TMEM131L: variants seen among roughly 807,000 people sequenced by gnomAD.
The protein encoded by TMEM131L is transmembrane 131 like, also known as transmembrane protein 131-like.
A neutral mutation model predicts 192.2 loss-of-function variants in TMEM131L; 54 were observed. That is an observed-to-expected ratio of 0.28 (90% CI 0.23 to 0.35). The LOEUF (loss-of-function observed/expected upper bound fraction) is 0.35. TMEM131L is among the 10% of genes least tolerant of loss of function. The pLI is 1.00. For synonymous variants in TMEM131L, 701 were observed against 704.9 expected (o/e 0.99, Z 0.09); for missense variants, 1,888 against 1,972.9 (o/e 0.96, Z 0.82).
In TMEM131L at chr4:153,604,143, A is replaced by G. The variant is rs758028166; in HGVS notation, c.3131A>G (p.Gln1044Arg). 39 of 1,614,072 alleles carry G rather than the reference A, an allele frequency of 2.4e-5. No individual in the cohort carries two copies. Among genetic ancestry groups the G allele is most frequent in the Non-Finnish European group, 3.2e-5 (38 of 1,180,032 alleles). Reference sequence around the variant, plus strand: ...GCAAGTGGCATAAATGTCAACCTGCAGAAGAATTTAACCCTTCCCAAAAAC... The same window carrying G: ...GCAAGTGGCATAAATGTCAACCTGCGGAAGAATTTAACCCTTCCCAAAAAC... ...RYASGINVNL[Q>R]KNLTLPKNLL... is the part of the protein sequence containing the mutation. The change falls in exon 25 of 35, where the codon CAG becomes CGG. Residue 1044 changes from glutamine (Q) to arginine (R), a missense_variant. Physicochemically the swap from Gln to Arg is conservative, Grantham distance 43. Coordinates refer to ENST00000409959, the MANE Select transcript of TMEM131L (RefSeq NM_001131007.2).
chr4:153,541,556 G>A (rs1736779147), intron 3 of TMEM131L, among the ~76,000 whole-genome samples: 1 of 152,216 alleles, frequency 6.6e-6, no homozygotes, highest in Non-Finnish European at 1.5e-5. Flanking sequence ...TATTCCATTG[G>A]GAGGTGCCTG....
chr4:153,469,322 C>A lies in TMEM131L; in HGVS notation c.195+2041C>A, dbSNP rs571632342. On this transcript the variant is annotated intron_variant, in intron 2 of 34. Transcript: ENST00000409959. ...GGCCCAAGGGTAAGGGAGACACACA[C>A]ACACACACACACACACACGTGTGTA... Among the ~76,000 whole-genome samples, 6 of 151,962 alleles carry A rather than the reference C, an allele frequency of 3.9e-5. No homozygotes were observed. The South Asian group carries it at 1.2e-3, about 32-fold the overall frequency.
intron 30 of TMEM131L, among the ~76,000 whole-genome samples, chr4:153,627,300 T>G (rs1733913884): frequency 2.0e-5 from 3 of 152,258 alleles, no homozygotes; most frequent in Admixed American, 1.3e-4. Flanking sequence ...TACAGACAGG[T>G]GGCTACCTGT....
chr4:153,620,906 A>G (rs1379132804), intron 27 of TMEM131L, 26 bp downstream of exon 27: 7 of 1,544,542 alleles, frequency 4.5e-6, no homozygotes, highest in Non-Finnish European at 6.1e-6. Flanking sequence ...TATCTCTAAT[A>G]TTTTGATCTA....
At chr4:153,467,123 CG>C (rs1483117111) in intron 1 of TMEM131L, 87 bp from the exon 2 acceptor site, 2 of 1,271,584 alleles carry the variant, frequency 1.6e-6, no homozygotes, top group Non-Finnish European at 1.1e-6. Flanking sequence ...TTTGGTGAGG[CG>C]GGGGGCACGG....
chr4:153,532,243 GCATCTGCATATGGCATTTT>G (rs1468231070), intron 3 of TMEM131L, among the ~76,000 whole-genome samples: 4 of 152,166 alleles, frequency 2.6e-5, no homozygotes, highest in African/African-American at 9.7e-5. Context: ...CTAATCAAAT[GCATCTGCATATGGCATTTT>G]CATTATGTAC....
At chr4:153,532,435 T>A (rs2150245887) in intron 3 of TMEM131L, among the ~76,000 whole-genome samples, 1 of 144,760 alleles carries the variant, frequency 6.9e-6, no homozygotes. Flanking sequence ...TTGCTATTAG[T>A]GCTTTTTTTT....
At chr4:153,572,069 A>G (rs1729624819) in intron 7 of TMEM131L, among the ~76,000 whole-genome samples, 1 of 151,792 alleles carries the variant, frequency 6.6e-6, no homozygotes, top group African/African-American at 2.4e-5. Context: ...GTTGGCATGT[A>G]ATAATTGTAC....
chr4:153,542,624 C>G (rs1736872785), intron 3 of TMEM131L, among the ~76,000 whole-genome samples: 1 of 152,202 alleles, frequency 6.6e-6, no homozygotes, highest in South Asian at 2.1e-4. Flanking sequence ...GGCACAACAT[C>G]TGGTATACTA....
intron 3 of TMEM131L, among the ~76,000 whole-genome samples, chr4:153,504,631 T>C (rs1278719905): frequency 6.6e-6 from 1 of 152,164 alleles, no homozygotes; most frequent in Non-Finnish European, 1.5e-5. Context: ...TTTTGCTGAT[T>C]GATCAGTCTG....
intron 18 of TMEM131L, among the ~76,000 whole-genome samples, 158 bp from the exon 19 acceptor site, chr4:153,593,641 G>C (rs1263271803): frequency 6.6e-6 from 1 of 152,134 alleles, no homozygotes; most frequent in Non-Finnish European, 1.5e-5. Flanking sequence ...GGAATGTGGG[G>C]TGGAATGTCG....
chr4:153,604,063 T>C lies in TMEM131L; in HGVS notation c.3051T>C (p.Ala1017=), dbSNP rs769704409. 2 of 1,614,012 alleles carry C rather than the reference T, an allele frequency of 1.2e-6. No individual in the cohort carries two copies. Among genetic ancestry groups the C allele is most frequent in the East Asian group, 2.2e-5 (1 of 44,894 alleles). Residue 1017 remains alanine (A), a synonymous_variant, in exon 25 of 35, where the codon GCT becomes GCC. Coordinates refer to ENST00000409959, the MANE Select transcript of TMEM131L (RefSeq NM_001131007.2). ...CCCTGGGCAGCTCACTGCCTGCTGC[T>C]AAAGAGGACATTTGCACTGATGCCA... ...TSPLGSSLPA[A]KEDICTDAMR... is the part of the protein sequence containing the mutation.
chr4:153,617,342 C>T (rs1405737779), intron 26 of TMEM131L, among the ~76,000 whole-genome samples: 1 of 152,206 alleles, frequency 6.6e-6, no homozygotes, highest in Non-Finnish European at 1.5e-5. Context: ...TCTTTATCAG[C>T]AGCGTGAAAA....
chr4:153,598,816 A>T, intron 21 of TMEM131L, 84 bp downstream of exon 21: 1 of 1,139,180 alleles, frequency 8.8e-7, no homozygotes, highest in South Asian at 2.9e-5. Flanking sequence ...CTAAATTTTA[A>T]ATTCTAAAAT....
Position 153,592,495 on chromosome 4 carries a change from G to A in TMEM131L, c.1833G>A (p.Gln611=), listed in dbSNP as rs1461684778. 1.9e-6 allele frequency: 3 copies of A among 1,613,976 alleles called. No individual in the cohort carries two copies. The East Asian group carries it at 6.7e-5, about 36-fold the overall frequency. ...RSRMIKYFVV[Q]NPSSWPVSLQ... is the part of the protein sequence containing the mutation. Reference sequence around the variant, plus strand: ...CCTAGATCAAGTACTTTGTGGTGCAGAACCCGTCCTCTTGGCCGGTCTCCT... The same window carrying A: ...CCTAGATCAAGTACTTTGTGGTGCAAAACCCGTCCTCTTGGCCGGTCTCCT... The change falls in exon 18 of 35, where the codon CAG becomes CAA. Residue 611 remains glutamine, a synonymous_variant. Coordinates refer to ENST00000409959, the MANE Select transcript of TMEM131L (RefSeq NM_001131007.2).
intron 16 of TMEM131L, 67 bp downstream of exon 16, chr4:153,589,074 C>T: frequency 2.4e-6 from 2 of 826,774 alleles, no homozygotes; most frequent in Non-Finnish European, 4.1e-6. Context: ...TCCCTCCTTA[C>T]CTGCGGGGAC....
intron 3 of TMEM131L, among the ~76,000 whole-genome samples, chr4:153,529,267 T>C (rs1411347893): frequency 2.6e-5 from 4 of 152,212 alleles, no homozygotes; most frequent in Non-Finnish European, 5.9e-5. Flanking sequence ...GAATATTCTA[T>C]TTAAGGAAAT....
At position 153,476,205 on chromosome 4, in the gene TMEM131L, G is replaced by A. The variant is rs544598401; in HGVS notation, c.239+2317G>A. 7.2e-5 allele frequency among the ~76,000 whole-genome samples: 11 copies of A among 152,112 alleles called. No individual in the cohort carries two copies. The South Asian group carries it at 1.0e-3, about 14-fold the overall frequency. On this transcript the variant is annotated intron_variant, in intron 3 of 34. Coordinates refer to ENST00000409959, the MANE Select transcript of TMEM131L (RefSeq NM_001131007.2). The stretch of plus-strand genomic sequence containing the variant: ...AACTCCTAACCTCAGGTTATCCGCC[G>A]GCCTCAGCCTCTCAGAGTGCTGGTA...
chr4:153,490,696 C>T (rs1251961009), intron 3 of TMEM131L, among the ~76,000 whole-genome samples: 1 of 152,082 alleles, frequency 6.6e-6, no homozygotes, highest in Non-Finnish European at 1.5e-5. Flanking sequence ...GGGCTCATGC[C>T]TGTAATCCCA....
Sources: gnomAD v4.1 joint callset for allele counts (sites outside exome capture counted in the v4.1 genomes callset) on GRCh38, gnomAD v4.1.1 for gene constraint, MANE v1.5 for transcripts, NCBI Gene and HGNC (gene_info 2026-07-23, HGNC 2026-07-21) for gene names.